The following RP1 variants were observed in gnomAD, a reference collection of about 807,000 sequenced individuals.
RP1 encodes RP1 axonemal microtubule associated.
Under a neutral mutation model 14.8 loss-of-function variants are expected in RP1, and 16 were observed. The ratio of observed to expected loss-of-function variants is 1.08; its 90% CI spans 0.73 to 1.65. RP1 has a LOEUF of 1.65. Among genes scored for constraint, RP1 ranks in the 40% most tolerant of loss-of-function variants. RP1 has a pLI of 0.00. For missense variants in RP1, 2,631 were observed against 2,535.0 expected (o/e 1.04, Z -0.81); for synonymous variants, 876 against 883.6 (o/e 0.99, Z 0.15).
downstream of RP1, among the ~76,000 whole-genome samples, chr8:54,772,597 T>C (rs949859902): frequency 1.3e-5 from 2 of 152,190 alleles, no homozygotes; most frequent in Non-Finnish European, 2.9e-5. Flanking sequence ...CATCCTCCAG[T>C]AACCCTATGG....
chr8:54,600,390 A>G (rs1805247669), intron 1 of RP1, among the ~76,000 whole-genome samples: 1 of 152,166 alleles, frequency 6.6e-6, no homozygotes, highest in Non-Finnish European at 1.5e-5. Flanking sequence ...GCAGCATGAG[A>G]ACAGACTAAT....
rs572768982 is a variant in RP1 at position 54,708,879 on chromosome 8, A to T, written c.2211+2224A>T. Reference sequence around the variant, plus strand: ...CAGCTCTATCTGATGGGGCTGAGGGACTGGAAGAAGTCCTTGGCATTCAAT... The same window carrying T: ...CAGCTCTATCTGATGGGGCTGAGGGTCTGGAAGAAGTCCTTGGCATTCAAT... On this transcript the variant is annotated intron_variant, in intron 15 of 22. Coordinates refer to the RP1 transcript ENST00000636932. Among the ~76,000 whole-genome samples the T allele has an allele frequency of 2.6e-5, 4 of 152,248 alleles. No homozygotes were observed. In the South Asian group the frequency reaches 8.3e-4, roughly 32 times the overall value.
chr8:54,783,577 G>A, exon 24 of RP1: 1 of 1,231,622 alleles, frequency 8.1e-7, no homozygotes, highest in Non-Finnish European at 1.0e-6. Context: ...ATTGTCACTG[G>A]GGATCTTGAA....
At chr8:54,847,755 T>C (rs893055832) in intron 25 of RP1, among the ~76,000 whole-genome samples, 1 of 152,226 alleles carries the variant, frequency 6.6e-6, no homozygotes, top group Non-Finnish European at 1.5e-5. Context: ...TCTTCACACT[T>C]TCCTGCTACC....
intron 24 of RP1, among the ~76,000 whole-genome samples, chr8:54,836,295 G>A (rs1435909181): frequency 6.6e-6 from 1 of 152,114 alleles, no homozygotes; most frequent in Non-Finnish European, 1.5e-5. Context: ...ATAGTATGTG[G>A]CAGTCAGAAT....
At chr8:54,718,609 T>A (rs994942003) in intron 15 of RP1, among the ~76,000 whole-genome samples, 7 of 152,220 alleles carry the variant, frequency 4.6e-5, no homozygotes, top group Non-Finnish European at 8.8e-5. Context: ...ACAACCAAGA[T>A]GTCCTTCAGT....
At position 54,625,709 on chromosome 8, in the gene RP1, A is replaced by G; in HGVS notation, c.1827A>G (p.Ser609=). ...GNTNDRFSPI[S]ADATHFSSNN... is the part of the protein sequence containing the mutation. ...CCAATGATAGGTTCAGTCCTATTTC[A>G]GCAGATGCAACCCATTTTTCAAGTA... The change falls in exon 4 of 4, where the codon TCA becomes TCG. Residue 609 remains serine, a synonymous_variant. Coordinates refer to ENST00000220676, the MANE Select transcript of RP1 (RefSeq NM_006269.2). The G allele has an allele frequency of 6.2e-7, 1 of 1,614,144 alleles. No individual in the cohort carries two copies. Among genetic ancestry groups the G allele is most frequent in the Non-Finnish European group, 8.5e-7 (1 of 1,179,998 alleles).
At chr8:54,689,390 C>T (rs1007188324) in intron 12 of RP1, among the ~76,000 whole-genome samples, 1 of 152,060 alleles carries the variant, frequency 6.6e-6, no homozygotes, top group Non-Finnish European at 1.5e-5. Flanking sequence ...TGTCTCGTTA[C>T]ATTTTAAATG....
At chr8:54,599,048 A>T (rs533883512) in intron 1 of RP1, among the ~76,000 whole-genome samples, 5 of 152,224 alleles carry the variant, frequency 3.3e-5, no homozygotes, top group African/African-American at 1.2e-4. Flanking sequence ...CTGGGAAAAT[A>T]TTTTGAGGCC....
chr8:54,759,569 C>T (rs1234236428), intron 22 of RP1, among the ~76,000 whole-genome samples: 1 of 152,180 alleles, frequency 6.6e-6, no homozygotes, highest in African/African-American at 2.4e-5. Context: ...AAATTCCTGA[C>T]CTGGCCCTGT....
At chr8:54,774,469 G>A (rs1007470049), downstream of RP1, among the ~76,000 whole-genome samples, 7 of 152,204 alleles carry the variant, frequency 4.6e-5, no homozygotes, top group African/African-American at 1.7e-4. Context: ...GAGAAGGTGA[G>A]CCAAGAGGAA....
chr8:54,848,009 T>C (rs1375729403), intron 25 of RP1, among the ~76,000 whole-genome samples: 1 of 152,228 alleles, frequency 6.6e-6, no homozygotes, highest in Non-Finnish European at 1.5e-5. Context: ...TTGTTTTGAT[T>C]TAATCTGCTC....
At chr8:54,571,763 A>G (rs1804528353) in intron 1 of RP1, among the ~76,000 whole-genome samples, 1 of 152,184 alleles carries the variant, frequency 6.6e-6, no homozygotes, top group Admixed American at 6.5e-5. Flanking sequence ...GGATCTGTCC[A>G]GGCCTCTTCC....
chr8:54,799,113 TTA>T (rs1281930450), intron 24 of RP1, among the ~76,000 whole-genome samples: 1 of 152,064 alleles, frequency 6.6e-6, no homozygotes. Flanking sequence ...GAAAAGCTTT[TTA>T]TTTTAAAGAT....
chr8:54,779,728 C>G lies in RP1; in HGVS notation c.3452-3819C>G, dbSNP rs1462511888. On this transcript the variant is annotated intron_variant, in intron 23 of 28. Coordinates refer to the RP1 transcript ENST00000637698. ...ACATTGGGAAGGAAACAGTTAATGACAGGTCTGCAATCTAATTTTTTCCTC... is the reference window on the plus strand; with the variant it reads ...ACATTGGGAAGGAAACAGTTAATGAGAGGTCTGCAATCTAATTTTTTCCTC... Among the ~76,000 whole-genome samples, 2 of 152,162 alleles carry G rather than the reference C, an allele frequency of 1.3e-5. 1 individual carries two copies. Among genetic ancestry groups the G allele is most frequent in the African/African-American group, 4.8e-5 (2 of 41,440 alleles).
chr8:54,806,037 G>T (rs1810842542), intron 24 of RP1, among the ~76,000 whole-genome samples: 1 of 151,166 alleles, frequency 6.6e-6, no homozygotes, highest in African/African-American at 2.4e-5. Context: ...TTTATTTTTT[G>T]AGACAGAGTC....
intron 6 of RP1, among the ~76,000 whole-genome samples, chr8:54,660,892 C>T (rs903369699): frequency 7.9e-5 from 12 of 151,862 alleles, no homozygotes; most frequent in African/African-American, 2.7e-4. Flanking sequence ...AGAAGAATAC[C>T]TCTGATTAGA....
intron 1 of RP1, among the ~76,000 whole-genome samples, chr8:54,608,000 G>A (rs964674778): frequency 1.3e-5 from 2 of 151,986 alleles, no homozygotes; most frequent in African/African-American, 4.8e-5. Context: ...CCTGGGTGAG[G>A]CGATGCCTCA....
chr8:54,825,915 A>T (rs2129398892), intron 24 of RP1, among the ~76,000 whole-genome samples: 1 of 152,126 alleles, frequency 6.6e-6, no homozygotes, highest in East Asian at 1.9e-4. Flanking sequence ...ACAAAAAAAA[A>T]AAATCAGCCT....
Sources: allele counts gnomAD v4.1 joint callset (sites outside exome capture counted in the v4.1 genomes callset), GRCh38; gene constraint gnomAD v4.1.1; transcripts MANE v1.5; gene names NCBI Gene and HGNC (gene_info 2026-07-23, HGNC 2026-07-21).